MED27: variants seen among roughly 807,000 people sequenced by gnomAD.
MED27 encodes the protein mediator complex subunit 27.
Under a neutral mutation model 38.2 loss-of-function variants are expected in MED27, and 30 were observed. The observed-to-expected ratio is 0.79, with a 90% CI of 0.59 to 1.07. MED27 has a LOEUF of 1.07. MED27 is among the 50% of genes least tolerant of loss of function. The pLI is 0.00. For missense variants in MED27, 289 were observed against 397.5 expected (o/e 0.73, Z 2.32); for synonymous variants, 122 against 153.5 (o/e 0.79, Z 1.52).
chr9:132,076,532 C>G (rs1280056316), intron 2 of MED27, among the ~76,000 whole-genome samples: 1 of 152,038 alleles, frequency 6.6e-6, no homozygotes, highest in African/African-American at 2.4e-5. Context: ...TACTCAAGAC[C>G]TAAGGGGAAA....
chr9:132,077,441 C>T lies in MED27; in HGVS notation c.348+1G>A. ...AGCTCCGTTTATTACATCTCCCTTA[C>T]CTTGTTTGACCACTTATATGCTTGA... On this transcript the variant is annotated splice_donor_variant, in intron 2 of 7. Transcript: ENST00000292035. LOFTEE classifies it high-confidence loss of function. The T allele has an allele frequency of 6.2e-7, 1 of 1,613,552 alleles. No individual in the cohort carries two copies. Among genetic ancestry groups the T allele is most frequent in the Non-Finnish European group, 8.5e-7 (1 of 1,179,824 alleles).
chr9:131,956,613 T>C (rs1365185244), intron 3 of MED27, among the ~76,000 whole-genome samples: 4 of 125,890 alleles, frequency 3.2e-5, no homozygotes, highest in East Asian at 4.6e-4. Context: ...AGACTCCGCC[T>C]CAAAAAAAAA....
chr9:132,026,652 C>T (rs1369688621), intron 2 of MED27, among the ~76,000 whole-genome samples: 9 of 152,132 alleles, frequency 5.9e-5, no homozygotes, highest in Non-Finnish European at 1.0e-4. Context: ...AATGGACATA[C>T]AAAGAAACCC....
At position 131,872,024 on chromosome 9, in the gene MED27, G is replaced by A. The variant is rs1260863849; in HGVS notation, c.724-8884C>T. The stretch of plus-strand genomic sequence containing the variant: ...AGGTCATGGGCATCATCTGGCCCCA[G>A]GGGGCATGCTCCTGGGCCGGAGTGG... On this transcript the variant is annotated intron_variant, in intron 6 of 7. Transcript: ENST00000292035. This position sits in a 1 kb window ranked among gnomAD's most constrained non-coding sequence, Gnocchi z 5.6. Among the ~76,000 whole-genome samples the A allele has an allele frequency of 6.6e-6, 1 of 152,188 alleles. No homozygotes were observed. Among genetic ancestry groups the A allele is most frequent in the Non-Finnish European group, 1.5e-5 (1 of 68,012 alleles).
At chr9:131,994,360 G>A (rs570330374) in intron 3 of MED27, among the ~76,000 whole-genome samples, 1 of 152,292 alleles carries the variant, frequency 6.6e-6, no homozygotes, top group South Asian at 2.1e-4. Context: ...GATACACCCT[G>A]CTTCTGCACT....
Position 131,881,667 on chromosome 9 carries a change from A to G in MED27, c.723+2391T>C, listed in dbSNP as rs1009226512. 7.2e-5 allele frequency among the ~76,000 whole-genome samples: 11 copies of G among 152,092 alleles called. No individual in the cohort carries two copies. The East Asian group carries it at 1.7e-3, about 24-fold the overall frequency. On this transcript the variant is annotated intron_variant, in intron 6 of 7. Transcript: ENST00000292035. ...TTAACATCTTCCATTACTACGGTAC[A>G]TTTGTCACAACAAAGAAACCAACAC...
intron 3 of MED27, among the ~76,000 whole-genome samples, chr9:132,007,465 G>A (rs1832383932): frequency 6.6e-6 from 1 of 152,158 alleles, no homozygotes; most frequent in Admixed American, 6.5e-5. Context: ...TGTTCTGCAT[G>A]ACTCCACTTA....
chr9:131,962,486 ACCTCAG>A (rs1247787362), intron 3 of MED27, among the ~76,000 whole-genome samples: 1 of 151,154 alleles, frequency 6.6e-6, no homozygotes, highest in Non-Finnish European at 1.5e-5. Flanking sequence ...TGATCCACCC[ACCTCAG>A]CCTCCCAAAA....
intron 2 of MED27, among the ~76,000 whole-genome samples, chr9:132,065,868 T>C (rs1048886052): frequency 5.3e-5 from 8 of 152,278 alleles, no homozygotes; most frequent in African/African-American, 1.9e-4. Context: ...TCTGCTTTTC[T>C]GGACATTCTG....
chr9:131,993,027 G>A (rs1310026785), intron 3 of MED27, among the ~76,000 whole-genome samples: 1 of 152,124 alleles, frequency 6.6e-6, no homozygotes, highest in Non-Finnish European at 1.5e-5. Context: ...GGTGACCCGG[G>A]GTGCAAGCCC....
chr9:131,868,697 C>G (rs1249552711), intron 6 of MED27: 1 of 985,396 alleles, frequency 1.0e-6, no homozygotes, highest in East Asian at 1.1e-4. Flanking sequence ...GGCCTCTGCC[C>G]ACCTCCTACC....
chr9:131,922,914 T>A (rs994513600), intron 4 of MED27, among the ~76,000 whole-genome samples: 3 of 152,134 alleles, frequency 2.0e-5, no homozygotes, highest in Non-Finnish European at 4.4e-5. Context: ...GTGCCCAGCC[T>A]GTGTCCTTTG....
At chr9:131,998,730 C>A (rs4320661) in intron 3 of MED27, among the ~76,000 whole-genome samples, 5 of 152,228 alleles carry the variant, frequency 3.3e-5, no homozygotes, top group African/African-American at 1.2e-4. Flanking sequence ...GAGGTCTGTA[C>A]AAACCAATCC....
chr9:131,917,469 C>T lies in MED27; in HGVS notation c.573+21912G>A, dbSNP rs1377352014. ...GTCCAGTGTGGAAGATGAGGGGAGG[C>T]AGAGTGTTTCAAAGCAGGTAGACCA... On this transcript the variant is annotated intron_variant, in intron 4 of 7. Coordinates refer to ENST00000292035, the MANE Select transcript of MED27 (RefSeq NM_004269.4). The surrounding 1 kb of genome is among the most constrained non-coding windows in gnomAD (Gnocchi z 4.6). Among the ~76,000 whole-genome samples the T allele has an allele frequency of 1.3e-5, 2 of 151,830 alleles. No individual in the cohort carries two copies. The highest frequency in any genetic ancestry group is 6.6e-5 in the Admixed American group (1 of 15,238).
chr9:132,054,582 T>C (rs1159732599), intron 2 of MED27, among the ~76,000 whole-genome samples: 1 of 152,118 alleles, frequency 6.6e-6, no homozygotes, highest in Non-Finnish European at 1.5e-5. Context: ...CAGCTAACTT[T>C]TTTTGTATTG....
chr9:131,935,637 C>T (rs1830667274), intron 4 of MED27, among the ~76,000 whole-genome samples: 1 of 152,126 alleles, frequency 6.6e-6, no homozygotes, highest in South Asian at 2.1e-4. Context: ...TTTAGGGATA[C>T]AGGCACATGT....
At chr9:132,015,446 G>T (rs912763066) in intron 2 of MED27, among the ~76,000 whole-genome samples, 7 of 152,106 alleles carry the variant, frequency 4.6e-5, no homozygotes, top group Admixed American at 3.9e-4. Context: ...AAATGATACT[G>T]CCCAGTTCTA....
intron 3 of MED27, among the ~76,000 whole-genome samples, chr9:131,993,909 G>C (rs1236996794): frequency 6.6e-6 from 1 of 152,140 alleles, no homozygotes; most frequent in Non-Finnish European, 1.5e-5. Context: ...CTGAGCGGGT[G>C]TGTGTGAGTG....
At chr9:131,903,054 A>G (rs1277382808) in intron 4 of MED27, among the ~76,000 whole-genome samples, 2 of 150,660 alleles carry the variant, frequency 1.3e-5, no homozygotes, top group Non-Finnish European at 2.9e-5. Flanking sequence ...CATCTGAACC[A>G]TGAGAGTGCT....
Sources: allele counts gnomAD v4.1 joint callset (sites outside exome capture counted in the v4.1 genomes callset), GRCh38; gene constraint gnomAD v4.1.1; non-coding constraint Gnocchi (gnomAD v3.1); transcripts MANE v1.5; gene names NCBI Gene and HGNC (gene_info 2026-07-23, HGNC 2026-07-21).